The following RASGEF1C variants were observed in gnomAD, a reference collection of about 807,000 sequenced individuals.
RASGEF1C encodes RasGEF domain family member 1C.
A neutral mutation model predicts 58.1 loss-of-function variants in RASGEF1C; 27 were observed. That is an observed-to-expected ratio of 0.46 (90% CI 0.34 to 0.64). The LOEUF is 0.64. Ranked by LOEUF, RASGEF1C falls within the 30% of genes least tolerant of loss-of-function variation. RASGEF1C has a pLI of 0.01. For synonymous variants in RASGEF1C, 243 were observed against 246.3 expected, an observed-to-expected ratio of 0.99 and a Z score of 0.13; for missense variants, 502 against 605.1, an observed-to-expected ratio of 0.83 and a Z score of 1.79.
intron 1 of RASGEF1C, among the ~76,000 whole-genome samples, chr5:180,205,933 C>G (rs1403794895): frequency 6.6e-6 from 1 of 152,168 alleles, no homozygotes; most frequent in Non-Finnish European, 1.5e-5. Context: ...CAAGGTTTCA[C>G]CATGTTGGCC....
chr5:180,114,405 C>G (rs187001930), intron 11 of RASGEF1C, 41 bp downstream of exon 11: 1 of 1,591,208 alleles, frequency 6.3e-7, no homozygotes, highest in Admixed American at 1.7e-5. Flanking sequence ...GAACTTTTCC[C>G]GGCCTGTCTA....
intron 4 of RASGEF1C, among the ~76,000 whole-genome samples, chr5:180,131,473 G>A (rs997225929): frequency 4.6e-5 from 7 of 152,172 alleles, no homozygotes; most frequent in Admixed American, 1.3e-4. Flanking sequence ...CCCCAGATGG[G>A]CCATTGGTGT....
intron 1 of RASGEF1C, among the ~76,000 whole-genome samples, chr5:180,194,008 G>GTTTA (rs1304754709): frequency 6.7e-5 from 10 of 149,414 alleles, no homozygotes; most frequent in African/African-American, 2.5e-4. Flanking sequence ...TATGGTGTTT[G>GTTTA]TTTGTTTGTT....
At position 180,156,291 on chromosome 5, in the gene RASGEF1C, C is replaced by T. The variant is rs907583602; in HGVS notation, c.-6-18233G>A. On this transcript the variant is annotated intron_variant, in intron 1 of 13. Coordinates refer to ENST00000361132, the MANE Select transcript of RASGEF1C (RefSeq NM_175062.4). This position sits in a 1 kb window ranked among gnomAD's most constrained non-coding sequence, Gnocchi z 4.9. ...CTGGACGGAGGCTCCAGGAGGTGAG[C>T]GGATCAGTCTCCAGGCTGTGGTCTG... 3.3e-5 allele frequency among the ~76,000 whole-genome samples: 5 copies of T among 152,098 alleles called. No homozygotes were observed. Among genetic ancestry groups the T allele is most frequent in the South Asian group, 2.1e-4 (1 of 4,822 alleles).
At chr5:180,121,439 G>A (rs1367269137) in intron 6 of RASGEF1C, among the ~76,000 whole-genome samples, 5 of 151,642 alleles carry the variant, frequency 3.3e-5, no homozygotes, top group East Asian at 1.9e-4. Context: ...TCAGCCTCCC[G>A]AGTAGGTGGG....
At chr5:180,126,478 C>A (rs1236199942) in intron 6 of RASGEF1C, among the ~76,000 whole-genome samples, 1 of 152,168 alleles carries the variant, frequency 6.6e-6, no homozygotes, top group African/African-American at 2.4e-5. Flanking sequence ...CCAGAGCAGT[C>A]AGCATTCCTA....
intron 4 of RASGEF1C, among the ~76,000 whole-genome samples, chr5:180,128,957 A>G (rs2113267282): frequency 6.6e-6 from 1 of 152,316 alleles, no homozygotes; most frequent in South Asian, 2.1e-4. Flanking sequence ...GAAGCCAGAG[A>G]AAGGGAGAGA....
intron 1 of RASGEF1C, among the ~76,000 whole-genome samples, chr5:180,188,522 T>C (rs1460723250): frequency 6.6e-6 from 1 of 152,056 alleles, no homozygotes; most frequent in Non-Finnish European, 1.5e-5. Flanking sequence ...CAATAAAAAC[T>C]CTCAGCCAAC....
At chr5:180,138,334 C>T (rs1370584602) in intron 1 of RASGEF1C, 1 of 342,030 alleles carries the variant, frequency 2.9e-6, no homozygotes, top group Non-Finnish European at 5.3e-6. Flanking sequence ...CAGGCCTCTT[C>T]TAGATTCTTC....
intron 12 of RASGEF1C, among the ~76,000 whole-genome samples, chr5:180,106,345 T>G (rs1331266532): frequency 6.6e-6 from 1 of 152,258 alleles, no homozygotes; most frequent in Non-Finnish European, 1.5e-5. Context: ...ATTTTGCTCC[T>G]CTTTTTCTAG....
At chr5:180,123,914 AAAT>A (rs1253777513) in intron 6 of RASGEF1C, among the ~76,000 whole-genome samples, 1 of 152,200 alleles carries the variant, frequency 6.6e-6, no homozygotes, top group Non-Finnish European at 1.5e-5. Context: ...AGAATATTAC[AAAT>A]AATTGTATGT....
chr5:180,131,284 T>G (rs1766364095), intron 4 of RASGEF1C, among the ~76,000 whole-genome samples: 1 of 152,188 alleles, frequency 6.6e-6, no homozygotes, highest in Admixed American at 6.5e-5. Context: ...CCAGGCTTGG[T>G]GGCCTCTATG....
intron 1 of RASGEF1C, among the ~76,000 whole-genome samples, chr5:180,178,931 G>A (rs1767276118): frequency 6.6e-6 from 1 of 152,190 alleles, no homozygotes; most frequent in Non-Finnish European, 1.5e-5. Flanking sequence ...AGGTGCCAAG[G>A]AGCGGAGTGG....
At chr5:180,145,023 C>T (rs927225236) in intron 1 of RASGEF1C, among the ~76,000 whole-genome samples, 1 of 152,228 alleles carries the variant, frequency 6.6e-6, no homozygotes, top group African/African-American at 2.4e-5. Context: ...CATGCACATA[C>T]CATATTTTGT....
chr5:180,109,325 G>A (rs957299662), intron 12 of RASGEF1C, among the ~76,000 whole-genome samples: 5 of 152,142 alleles, frequency 3.3e-5, no homozygotes, highest in Non-Finnish European at 7.4e-5. Context: ...GGGCGTGGTG[G>A]TGGGTGCCTG....
At position 180,112,759 on chromosome 5, in the gene RASGEF1C, T is replaced by C. The variant is rs183513162; in HGVS notation, c.1180-1179A>G. Among the ~76,000 whole-genome samples the C allele has an allele frequency of 1.1e-3, 167 of 152,326 alleles. 1 individual carries two copies. The highest frequency in any genetic ancestry group is 5.2e-3 in the Admixed American group (79 of 15,302). On this transcript the variant is annotated intron_variant, in intron 11 of 13. Coordinates refer to ENST00000361132, the MANE Select transcript of RASGEF1C (RefSeq NM_175062.4). ...GACACGTGTGCTGGGTGGGCCCTTT[T>C]GGAGGTCAGGATACGGAGCGGGTCA...
chr5:180,121,449 G>C (rs1766170696), intron 6 of RASGEF1C, among the ~76,000 whole-genome samples: 1 of 152,028 alleles, frequency 6.6e-6, no homozygotes, highest in African/African-American at 2.4e-5. Flanking sequence ...GAGTAGGTGG[G>C]ACTACAGGCG....
chr5:180,115,289 TTAAAA>T, intron 10 of RASGEF1C: 1 of 396,350 alleles, frequency 2.5e-6, no homozygotes, highest in Non-Finnish European at 4.9e-6. Context: ...GGCCTCCTTT[TTAAAA>T]AAAAAAAAAA....
At chr5:180,171,182 C>T (rs1450648527) in intron 1 of RASGEF1C, among the ~76,000 whole-genome samples, 2 of 152,080 alleles carry the variant, frequency 1.3e-5, no homozygotes, top group African/African-American at 4.8e-5. Context: ...CAGGGGAGCA[C>T]AGGGAGGAAA....
Sources: allele counts gnomAD v4.1 joint callset (sites outside exome capture counted in the v4.1 genomes callset), GRCh38; gene constraint gnomAD v4.1.1; non-coding constraint Gnocchi (gnomAD v3.1); transcripts MANE v1.5; gene names NCBI Gene and HGNC (gene_info 2026-07-23, HGNC 2026-07-21).